Variants in SDCCAG8 observed in about 807,000 individuals in gnomAD.
SDCCAG8 encodes the protein serologically defined colon cancer antigen 8.
A neutral mutation model predicts 101.8 loss-of-function variants in SDCCAG8; 74 were observed. That is an observed-to-expected ratio of 0.73 (90% CI 0.60 to 0.88). SDCCAG8 has a LOEUF of 0.88. Among genes scored for constraint, SDCCAG8 ranks in the 40% least tolerant of loss-of-function variants. The pLI is 0.00. For missense variants in SDCCAG8, 787 were observed against 822.6 expected, an observed-to-expected ratio of 0.96 and a Z score of 0.53; for synonymous variants, 281 against 292.9, an observed-to-expected ratio of 0.96 and a Z score of 0.41.
At chr1:243,421,229 A>G (rs1186077485) in intron 15 of SDCCAG8, among the ~76,000 whole-genome samples, 1 of 152,202 alleles carries the variant, frequency 6.6e-6, no homozygotes, top group Non-Finnish European at 1.5e-5. Context: ...TTACTCTAAG[A>G]GTCTTGTTTT....
chr1:243,286,511 ATGT>A, intron 5 of SDCCAG8, 114 bp downstream of exon 5: 1 of 1,103,040 alleles, frequency 9.1e-7, no homozygotes, highest in Non-Finnish European at 1.3e-6. Context: ...CCAAAGTACT[ATGT>A]TGGTATTTGT....
At chr1:243,357,127 C>A (rs1206141017) in intron 12 of SDCCAG8, among the ~76,000 whole-genome samples, 2 of 152,158 alleles carry the variant, frequency 1.3e-5, no homozygotes, top group Admixed American at 1.3e-4. Context: ...TGCCTGTAAT[C>A]CCGGCGCTTT....
chr1:243,489,181 G>A (rs1282300154), intron 17 of SDCCAG8, 41 bp downstream of exon 17: 1 of 1,604,330 alleles, frequency 6.2e-7, no homozygotes. Flanking sequence ...TCCTTGGGCG[G>A]GCGTCTACAG....
At chr1:243,298,033 G>GA (rs2071103774) in intron 6 of SDCCAG8, among the ~76,000 whole-genome samples, 1 of 149,144 alleles carries the variant, frequency 6.7e-6, no homozygotes, top group East Asian at 2.0e-4. Context: ...TAGTCTTCTA[G>GA]AAATTATAGT....
intron 16 of SDCCAG8, among the ~76,000 whole-genome samples, chr1:243,470,225 C>T (rs914976202): frequency 2.7e-4 from 41 of 152,148 alleles, no homozygotes; most frequent in African/African-American, 9.4e-4. Context: ...CCAGCTGCCC[C>T]GACGGGGCTG....
At chr1:243,436,411 A>G (rs2082137551) in intron 16 of SDCCAG8, among the ~76,000 whole-genome samples, 1 of 152,056 alleles carries the variant, frequency 6.6e-6, no homozygotes, top group African/African-American at 2.4e-5. Context: ...ACGTTTTGTG[A>G]AGGGTGTAAA....
chr1:243,320,374 A>G lies in SDCCAG8; in HGVS notation c.1068+3481A>G, dbSNP rs573871298. ...AGACACATTTGATCATGTGACTCTG[A>G]TTTAAAATTCTTCGGTGAATTTTCA... On this transcript the variant is annotated intron_variant, in intron 9 of 17. Transcript: ENST00000366541. 1.6e-4 allele frequency among the ~76,000 whole-genome samples: 24 copies of G among 152,312 alleles called. No individual in the cohort carries two copies. In the South Asian group the frequency reaches 5.0e-3, roughly 32 times the overall value.
At chr1:243,453,088 C>CATTT (rs2083484361) in intron 16 of SDCCAG8, among the ~76,000 whole-genome samples, 1 of 152,232 alleles carries the variant, frequency 6.6e-6, no homozygotes, top group South Asian at 2.1e-4. Flanking sequence ...GTAGAAAATA[C>CATTT]ATTTATCTTA....
intron 16 of SDCCAG8, among the ~76,000 whole-genome samples, chr1:243,472,155 A>C (rs1266037714): frequency 1.3e-5 from 2 of 152,220 alleles, no homozygotes; most frequent in African/African-American, 2.4e-5. Flanking sequence ...CATGCAGTGC[A>C]GTGTCTTTAG....
intron 7 of SDCCAG8, chr1:243,305,341 A>C (rs1235462020): frequency 6.6e-6 from 1 of 152,018 alleles, no homozygotes; most frequent in Non-Finnish European, 1.5e-5. Context: ...AGAATCACTA[A>C]CTGCTCTTAT....
intron 1 of SDCCAG8, among the ~76,000 whole-genome samples, chr1:243,264,749 C>T (rs1365613934): frequency 6.6e-6 from 1 of 152,200 alleles, no homozygotes; most frequent in Non-Finnish European, 1.5e-5. Context: ...TATCTACTTG[C>T]ACTTACGTTC....
At chr1:243,441,937 A>G (rs1379687150) in intron 16 of SDCCAG8, among the ~76,000 whole-genome samples, 1 of 152,190 alleles carries the variant, frequency 6.6e-6, no homozygotes, top group Non-Finnish European at 1.5e-5. Flanking sequence ...CCCAAAGCTT[A>G]GTTTATATTC....
At chr1:243,306,136 A>G (rs1390681346) in intron 7 of SDCCAG8, 1 of 150,456 alleles carries the variant, frequency 6.6e-6, no homozygotes, top group East Asian at 1.9e-4. Context: ...CTTTCACTGT[A>G]CATGGTTGTT....
At chr1:243,448,333 C>T (rs542032145) in intron 16 of SDCCAG8, among the ~76,000 whole-genome samples, 249 of 152,236 alleles carry the variant, frequency 1.6e-3, no homozygotes, top group African/African-American at 5.7e-3. Context: ...TCTGTTGTTC[C>T]GTTCTTCTCA....
intron 16 of SDCCAG8, among the ~76,000 whole-genome samples, chr1:243,470,969 AGTTGTT>A (rs772312418): frequency 6.6e-6 from 1 of 152,066 alleles, no homozygotes; most frequent in Non-Finnish European, 1.5e-5. Flanking sequence ...TCTCTTTCAT[AGTTGTT>A]GTTGTTAGAG....
chr1:243,492,782 T>C (rs549158734), intron 17 of SDCCAG8, among the ~76,000 whole-genome samples: 7 of 151,722 alleles, frequency 4.6e-5, no homozygotes, highest in African/African-American at 1.7e-4. Flanking sequence ...TAATTTTGTA[T>C]TTTTAGTAGA....
At chr1:243,440,479 G>C (rs180811232) in intron 16 of SDCCAG8, among the ~76,000 whole-genome samples, 2 of 152,236 alleles carry the variant, frequency 1.3e-5, no homozygotes, top group East Asian at 3.9e-4. Flanking sequence ...ACTTGGGAAG[G>C]GCAGTTCACT....
At chr1:243,308,314 G>T in intron 8 of SDCCAG8, 137 bp downstream of exon 8, 1 of 1,036,144 alleles carries the variant, frequency 9.7e-7, no homozygotes, top group Non-Finnish European at 1.5e-6. Flanking sequence ...ATTTTAAAAG[G>T]TTCCTTCATT....
intron 16 of SDCCAG8, among the ~76,000 whole-genome samples, chr1:243,462,507 A>G (rs1194907707): frequency 2.0e-5 from 3 of 152,252 alleles, no homozygotes; most frequent in Non-Finnish European, 2.9e-5. Context: ...GCTAACAACT[A>G]TGCAACCTCC....
Sources: gnomAD v4.1 joint callset for allele counts (sites outside exome capture counted in the v4.1 genomes callset) on GRCh38, gnomAD v4.1.1 for gene constraint, MANE v1.5 for transcripts, NCBI Gene and HGNC (gene_info 2026-07-23, HGNC 2026-07-21) for gene names.